GPD2: variants seen among roughly 807,000 people sequenced by gnomAD.
The protein encoded by GPD2 is glycerol-3-phosphate dehydrogenase, mitochondrial.
A neutral mutation model predicts 82.4 loss-of-function variants in GPD2; 54 were observed. That is an observed-to-expected ratio of 0.66 (90% CI 0.53 to 0.82). GPD2 has a LOEUF of 0.82. Among genes scored for constraint, GPD2 ranks in the 40% least tolerant of loss-of-function variants. GPD2 has a pLI of 0.00. For synonymous variants in GPD2, 288 were observed against 306.1 expected, an observed-to-expected ratio of 0.94 and a Z score of 0.62; for missense variants, 748 against 896.2, an observed-to-expected ratio of 0.83 and a Z score of 2.11.
chr2:156,516,556 C>T (rs572798546), intron 6 of GPD2, among the ~76,000 whole-genome samples: 14 of 152,346 alleles, frequency 9.2e-5, no homozygotes, highest in Admixed American at 7.8e-4. Flanking sequence ...CCTCCTGCCT[C>T]AGTCTCCCAA....
At chr2:156,420,827 A>G in the GPD2 span, among the ~76,000 whole-genome samples, 3 of 152,216 alleles carry the variant, frequency 2.0e-5, no homozygotes, top group Non-Finnish European at 4.4e-5. Flanking sequence ...TGAGTTTTAT[A>G]TGCCACAGGA....
At chr2:156,550,825 C>T (rs1166599408) in intron 8 of GPD2, 79 bp downstream of exon 8, 6 of 1,149,508 alleles carry the variant, frequency 5.2e-6, no homozygotes, top group Non-Finnish European at 5.2e-6. Flanking sequence ...CTTCTTCTAG[C>T]ATAGCAATAG....
chr2:156,428,243 T>C, the GPD2 span, among the ~76,000 whole-genome samples: 1 of 152,148 alleles, frequency 6.6e-6, no homozygotes. Flanking sequence ...TTCTACCTAC[T>C]GCAACAGCAG....
intron 1 of GPD2, among the ~76,000 whole-genome samples, chr2:156,447,757 C>T (rs775606500): frequency 7.2e-5 from 11 of 152,206 alleles, no homozygotes; most frequent in Non-Finnish European, 1.0e-4. Flanking sequence ...GCTACTGTGA[C>T]ATCTTCTCTT....
chr2:156,482,999 C>T (rs551454072), intron 2 of GPD2, among the ~76,000 whole-genome samples: 60 of 152,218 alleles, frequency 3.9e-4, no homozygotes, highest in African/African-American at 1.3e-3. Context: ...ATTGCAATCT[C>T]TCCCTCTCCA....
chr2:156,566,994 A>T (rs997367572), intron 9 of GPD2, among the ~76,000 whole-genome samples: 1 of 151,874 alleles, frequency 6.6e-6, no homozygotes. Context: ...TAATGTGCTT[A>T]TTGAGCATTT....
the GPD2 span, among the ~76,000 whole-genome samples, chr2:156,416,171 T>TAC: frequency 1.3e-5 from 2 of 151,632 alleles, no homozygotes; most frequent in South Asian, 4.1e-4. Flanking sequence ...TGGTTGTATA[T>TAC]ACATATATAT....
chr2:156,496,233 TTA>T lies in GPD2; in HGVS notation c.274+20_274+21del. 1 of 1,549,626 alleles carries T rather than the reference TTA, an allele frequency of 6.5e-7. No individual in the cohort carries two copies. The highest frequency in any genetic ancestry group is 8.9e-7 in the Non-Finnish European group (1 of 1,124,938). On this transcript the variant is annotated intron_variant, in intron 3 of 16. Coordinates refer to ENST00000438166, the MANE Select transcript of GPD2 (RefSeq NM_000408.5). ...CACCAGAGGTAAGTCTTTTTTTTTT[TTA>T]TTTTAATTTTAAGTTCTGGGGTACA...
chr2:156,508,603 C>T (rs1684870780), intron 3 of GPD2, among the ~76,000 whole-genome samples: 1 of 151,970 alleles, frequency 6.6e-6, no homozygotes, highest in African/African-American at 2.4e-5. Context: ...TTCCCTGCCT[C>T]TCATGGTGTG....
chr2:156,521,428 T>G (rs1333380695), intron 6 of GPD2, among the ~76,000 whole-genome samples: 1 of 152,228 alleles, frequency 6.6e-6, no homozygotes, highest in African/African-American at 2.4e-5. Context: ...TGACACCTAA[T>G]TCACAGGCTG....
At chr2:156,469,885 T>G (rs1683271130) in intron 1 of GPD2, among the ~76,000 whole-genome samples, 1 of 152,142 alleles carries the variant, frequency 6.6e-6, no homozygotes, top group South Asian at 2.1e-4. Flanking sequence ...TTTGTAAACA[T>G]GAAGGTGTTA....
At chr2:156,422,585 C>A in the GPD2 span, among the ~76,000 whole-genome samples, 5 of 151,850 alleles carry the variant, frequency 3.3e-5, no homozygotes, top group Non-Finnish European at 7.4e-5. Flanking sequence ...AAAAAATTAG[C>A]GGGGCATGGT....
At chr2:156,478,597 C>T (rs990447923) in intron 2 of GPD2, among the ~76,000 whole-genome samples, 3 of 152,160 alleles carry the variant, frequency 2.0e-5, no homozygotes, top group African/African-American at 7.2e-5. Context: ...CCTCCATTAA[C>T]TCAGCTGTCC....
intron 1 of GPD2, among the ~76,000 whole-genome samples, chr2:156,458,803 G>A (rs977242571): frequency 1.3e-5 from 2 of 151,780 alleles, no homozygotes; most frequent in African/African-American, 2.4e-5. Flanking sequence ...GCATGCACAC[G>A]TATATTCCAC....
chr2:156,577,543 A>G (rs1687869069), intron 13 of GPD2, among the ~76,000 whole-genome samples: 1 of 152,150 alleles, frequency 6.6e-6, no homozygotes, highest in Non-Finnish European at 1.5e-5. Flanking sequence ...TATCATCAAC[A>G]TAACCAAACA....
At chr2:156,404,831 G>C in the GPD2 span, among the ~76,000 whole-genome samples, 1 of 151,524 alleles carries the variant, frequency 6.6e-6, no homozygotes, top group African/African-American at 2.4e-5. Flanking sequence ...TCCAGCCTAG[G>C]GAACAGAGTG....
chr2:156,402,240 T>C, the GPD2 span, among the ~76,000 whole-genome samples: 1 of 152,214 alleles, frequency 6.6e-6, no homozygotes. Context: ...TTTAGGACAT[T>C]ATATATTAAG....
intron 1 of GPD2, among the ~76,000 whole-genome samples, chr2:156,459,292 A>C (rs12694631): frequency 0.32 from 48,364 of 152,010 alleles, 9,186 homozygotes; most frequent in Middle Eastern, 0.44. Flanking sequence ...GTCATTTGGC[A>C]TGGTGAGTGA....
intron 3 of GPD2, among the ~76,000 whole-genome samples, chr2:156,501,352 C>T (rs917368477): frequency 2.6e-5 from 4 of 152,012 alleles, no homozygotes; most frequent in Admixed American, 6.6e-5. Flanking sequence ...GGCAGTATAG[C>T]GCAGTGATTA....
Sources: gnomAD v4.1 joint callset for allele counts (sites outside exome capture counted in the v4.1 genomes callset) on GRCh38, gnomAD v4.1.1 for gene constraint, MANE v1.5 for transcripts, NCBI Gene and HGNC (gene_info 2026-07-23, HGNC 2026-07-21) for gene names.